Variants in CNTNAP2 observed in about 807,000 individuals in gnomAD.
CNTNAP2 encodes the protein contactin associated protein 2, also known as contactin-associated protein-like 2.
Under a neutral mutation model 155.2 loss-of-function variants are expected in CNTNAP2, and 98 were observed. The observed-to-expected ratio is 0.63, with a 90% CI of 0.54 to 0.75. The LOEUF is 0.75. CNTNAP2 is among the 30% of genes least tolerant of loss of function. CNTNAP2 has a pLI of 0.00. For synonymous variants in CNTNAP2, 651 were observed against 631.2 expected (o/e 1.03, Z -0.47); for missense variants, 1,727 against 1,688.1 (o/e 1.02, Z -0.40).
chr7:146,982,312 A>G (rs1798032688), intron 3 of CNTNAP2, among the ~76,000 whole-genome samples: 1 of 152,038 alleles, frequency 6.6e-6, no homozygotes, highest in Non-Finnish European at 1.5e-5. Flanking sequence ...AAAAATATAT[A>G]ATATATAAGA....
At chr7:147,833,342 T>C (rs1428238232) in intron 13 of CNTNAP2, among the ~76,000 whole-genome samples, 2 of 152,110 alleles carry the variant, frequency 1.3e-5, no homozygotes, top group Non-Finnish European at 2.9e-5. Context: ...AGTCACTTAA[T>C]CTCTCCGAGC....
At chr7:147,552,571 A>AAAAC (rs1382202001) in intron 11 of CNTNAP2, among the ~76,000 whole-genome samples, 17 of 142,896 alleles carry the variant, frequency 1.2e-4, no homozygotes, top group African/African-American at 4.5e-4. Context: ...TACTTTCCTC[A>AAAAC]ACACACACAC....
chr7:147,112,643 T>C (rs1327102315), intron 5 of CNTNAP2, among the ~76,000 whole-genome samples: 1 of 152,178 alleles, frequency 6.6e-6, no homozygotes, highest in Non-Finnish European at 1.5e-5. Flanking sequence ...GGTTTTTGTC[T>C]TTAGATCTCT....
chr7:147,370,671 A>G (rs1013644110), intron 9 of CNTNAP2, among the ~76,000 whole-genome samples: 1 of 152,168 alleles, frequency 6.6e-6, no homozygotes, highest in Non-Finnish European at 1.5e-5. Context: ...CCCAATATAT[A>G]GATACATAAT....
intron 1 of CNTNAP2, among the ~76,000 whole-genome samples, chr7:146,685,523 A>G (rs1800581955): frequency 6.6e-6 from 1 of 152,214 alleles, no homozygotes; most frequent in South Asian, 2.1e-4. Flanking sequence ...ATCCTTTCTC[A>G]GATATGACTT....
At chr7:147,311,822 T>C (rs187693685) in intron 9 of CNTNAP2, among the ~76,000 whole-genome samples, 13 of 152,240 alleles carry the variant, frequency 8.5e-5, no homozygotes, top group Non-Finnish European at 1.9e-4. Flanking sequence ...TGCTGGAAAT[T>C]CAAGTAATAT....
At chr7:147,035,826 T>TA (rs1281487169) in intron 3 of CNTNAP2, among the ~76,000 whole-genome samples, 1 of 151,532 alleles carries the variant, frequency 6.6e-6, no homozygotes, top group Non-Finnish European at 1.5e-5. Flanking sequence ...CATCATAAAA[T>TA]AATTTGTGTT....
chr7:147,885,605 G>C (rs1799589465), intron 13 of CNTNAP2, among the ~76,000 whole-genome samples: 1 of 152,054 alleles, frequency 6.6e-6, no homozygotes, highest in South Asian at 2.1e-4. Context: ...TGTTCAGAAG[G>C]CTTTTCTGTT....
At chr7:147,371,069 C>T (rs1796330946) in intron 9 of CNTNAP2, among the ~76,000 whole-genome samples, 1 of 152,056 alleles carries the variant, frequency 6.6e-6, no homozygotes. Flanking sequence ...CCTCAGATGC[C>T]TCAAACCTTA....
intron 1 of CNTNAP2, among the ~76,000 whole-genome samples, chr7:146,256,169 C>T (rs1330023704): frequency 6.6e-6 from 1 of 152,140 alleles, no homozygotes; most frequent in Non-Finnish European, 1.5e-5. Context: ...CTGGCCTTTT[C>T]ATTTGTGCAG....
chr7:146,435,703 C>G (rs1222304007), intron 1 of CNTNAP2, among the ~76,000 whole-genome samples: 1 of 152,174 alleles, frequency 6.6e-6, no homozygotes. Context: ...GTCATGTATG[C>G]TAATCACTTC....
intron 1 of CNTNAP2, among the ~76,000 whole-genome samples, chr7:146,310,737 C>T (rs757344679): frequency 6.6e-5 from 10 of 152,130 alleles, no homozygotes; most frequent in Admixed American, 1.3e-4. Flanking sequence ...GTGATATTCA[C>T]GGTCTATCAA....
intron 20 of CNTNAP2, among the ~76,000 whole-genome samples, chr7:148,232,235 C>G (rs188961352): frequency 9.2e-5 from 14 of 152,334 alleles, no homozygotes; most frequent in African/African-American, 3.1e-4. Flanking sequence ...TATGGAAAAG[C>G]AGATCCCAGG....
chr7:147,691,799 C>T (rs948136775), intron 13 of CNTNAP2, among the ~76,000 whole-genome samples: 8 of 152,226 alleles, frequency 5.3e-5, no homozygotes, highest in Non-Finnish European at 1.0e-4. Context: ...CTCAGACTCC[C>T]CTACTATCAA....
intron 15 of CNTNAP2, among the ~76,000 whole-genome samples, chr7:148,045,815 A>G (rs924361690): frequency 6.6e-6 from 1 of 152,238 alleles, no homozygotes; most frequent in Non-Finnish European, 1.5e-5. Context: ...AACCCAACAG[A>G]TAAACAGTTC....
chr7:146,383,863 G>A (rs565576943), intron 1 of CNTNAP2, among the ~76,000 whole-genome samples: 2 of 152,298 alleles, frequency 1.3e-5, no homozygotes, highest in South Asian at 4.1e-4. Context: ...TCTAGAGTCA[G>A]TATCTCTGGC....
intron 1 of CNTNAP2, among the ~76,000 whole-genome samples, chr7:146,535,142 T>C (rs1210932061): frequency 4.8e-5 from 1 of 20,748 alleles, no homozygotes; most frequent in South Asian, 2.4e-3. Flanking sequence ...TATATTATAT[T>C]ATATCATATA....
intron 1 of CNTNAP2, among the ~76,000 whole-genome samples, chr7:146,495,353 A>T (rs1797198561): frequency 6.6e-6 from 1 of 152,188 alleles, no homozygotes. Context: ...GAATAGAGAC[A>T]ATAAAAATTC....
At chr7:148,201,751 C>A (rs1405256838) in intron 18 of CNTNAP2, among the ~76,000 whole-genome samples, 20 of 151,920 alleles carry the variant, frequency 1.3e-4, no homozygotes, top group Admixed American at 1.3e-3. Context: ...ACTATTATTT[C>A]CAAACTCAAA....
Sources: gnomAD v4.1 joint callset for allele counts (sites outside exome capture counted in the v4.1 genomes callset) on GRCh38, gnomAD v4.1.1 for gene constraint, MANE v1.5 for transcripts, NCBI Gene and HGNC (gene_info 2026-07-23, HGNC 2026-07-21) for gene names.